Variants in MAP3K9 observed in about 807,000 individuals in gnomAD.
MAP3K9 encodes the protein mitogen-activated protein kinase kinase kinase 9, also known as mixed lineage kinase 1 (tyr and ser/thr specificity).
A neutral mutation model predicts 95.8 loss-of-function variants in MAP3K9; 46 were observed. The ratio of observed to expected loss-of-function variants is 0.48; its 90% CI spans 0.38 to 0.61. The LOEUF is 0.61. MAP3K9 is among the 20% of genes least tolerant of loss of function. The probability of loss-of-function intolerance (pLI) is 0.00; values close to 1 mark genes in which losing one functional copy is unlikely to be tolerated. For synonymous variants in MAP3K9, 533 were observed against 593.8 expected, an observed-to-expected ratio of 0.90 and a Z score of 1.49; for missense variants, 1,296 against 1,474.3, an observed-to-expected ratio of 0.88 and a Z score of 1.98.
intron 10 of MAP3K9, 51 bp downstream of exon 10, chr14:70,734,334 GC>G (rs2053954156): frequency 1.6e-6 from 2 of 1,273,134 alleles, no homozygotes; most frequent in South Asian, 2.4e-5. Flanking sequence ...GGGCAAGAAT[GC>G]CCCCAGGGAG....
Position 70,730,879 on chromosome 14 carries a change from A to C in MAP3K9, c.2831-15T>G. On this transcript the variant is annotated splice_polypyrimidine_tract_variant and intron_variant, in intron 11 of 11. Transcript: ENST00000554752. Reference sequence around the variant, plus strand: ...TTTCAACATTCCTGGTCAAAAAGACAAAAGGAGAAGCATCAGATGAGGCAC... The same window carrying C: ...TTTCAACATTCCTGGTCAAAAAGACCAAAGGAGAAGCATCAGATGAGGCAC... The C allele has an allele frequency of 6.3e-7, 1 of 1,589,396 alleles. No homozygotes were observed. Among genetic ancestry groups the C allele is most frequent in the Non-Finnish European group, 8.5e-7 (1 of 1,171,526 alleles).
rs949017605 is a variant in MAP3K9 at position 70,726,783 on chromosome 14, G to A, written c.*3597C>T. On this transcript the variant is annotated 3_prime_UTR_variant, in exon 12 of 12. Coordinates refer to ENST00000554752, the MANE Select transcript of MAP3K9 (RefSeq NM_001284230.2). ...TGAGAGCCACACTCTCAACTTCAGC[G>A]ATTCATCCTGTATAGATGAAAGAAG... The A allele has an allele frequency of 6.6e-6, 1 of 152,258 alleles. No homozygotes were observed. Among genetic ancestry groups the A allele is most frequent in the Non-Finnish European group, 1.5e-5 (1 of 68,064 alleles). 9.4% of individuals were successfully genotyped at this position (152,258 alleles called of 1,614,324 possible). A position where few individuals can be genotyped will look rare whatever the true frequency, so the allele number is the denominator to read the frequency against.
chr14:70,760,718 A>C (rs1427188413), intron 3 of MAP3K9, among the ~76,000 whole-genome samples: 2 of 152,010 alleles, frequency 1.3e-5, no homozygotes, highest in African/African-American at 2.4e-5. Flanking sequence ...CAGCGTAGAG[A>C]TGGGAGTACA....
At chr14:70,769,573 C>T (rs1440202326) in intron 2 of MAP3K9, among the ~76,000 whole-genome samples, 1 of 152,118 alleles carries the variant, frequency 6.6e-6, no homozygotes, top group South Asian at 2.1e-4. Flanking sequence ...GTTAGAAGTC[C>T]AAAATCAAGG....
intron 5 of MAP3K9, among the ~76,000 whole-genome samples, chr14:70,745,243 A>G (rs2054129829): frequency 6.6e-6 from 1 of 152,168 alleles, no homozygotes. Context: ...ATAAGTAACC[A>G]TTCTGGATTA....
intron 2 of MAP3K9, among the ~76,000 whole-genome samples, chr14:70,796,255 A>G (rs900168350): frequency 6.6e-6 from 1 of 152,196 alleles, no homozygotes; most frequent in Non-Finnish European, 1.5e-5. Flanking sequence ...AGAGACACAT[A>G]AATCCATTTT....
chr14:70,798,471 G>GTTTTTTTTTTTTTTTTT (rs1170327816), intron 2 of MAP3K9, among the ~76,000 whole-genome samples: 2 of 65,438 alleles, frequency 3.1e-5, no homozygotes, highest in Non-Finnish European at 2.7e-5. Flanking sequence ...GTCACCAAAA[G>GTTTTTTTTTTTTTTTTT]TTTTTTTTTT....
rs1287096773 is a variant in MAP3K9 at position 70,725,916 on chromosome 14, G to C, written c.*4464C>G. ...TTCTGTGCAGGACTCATGGCCCCAG[G>C]ACCATACATTTGAAAGTTAGAAGGG... On this transcript the variant is annotated 3_prime_UTR_variant, in exon 12 of 12. Coordinates refer to ENST00000554752, the MANE Select transcript of MAP3K9 (RefSeq NM_001284230.2). The C allele has an allele frequency of 6.6e-6, 1 of 152,214 alleles. No homozygotes were observed. The highest frequency in any genetic ancestry group is 1.5e-5 in the Non-Finnish European group (1 of 68,084). 9.4% of individuals were successfully genotyped at this position (152,214 alleles called of 1,614,324 possible).
chr14:70,746,902 C>A (rs1304703576), intron 5 of MAP3K9, among the ~76,000 whole-genome samples: 3 of 152,152 alleles, frequency 2.0e-5, no homozygotes, highest in Non-Finnish European at 4.4e-5. Flanking sequence ...AAAAGGCCAG[C>A]AACTCTTGGG....
chr14:70,803,032 T>G (rs1208184123), intron 1 of MAP3K9, among the ~76,000 whole-genome samples: 2 of 152,080 alleles, frequency 1.3e-5, no homozygotes, highest in African/African-American at 2.4e-5. Context: ...GAGTTCTTGC[T>G]CGAATTCACA....
intron 3 of MAP3K9, among the ~76,000 whole-genome samples, chr14:70,752,011 A>G (rs968892970): frequency 3.3e-5 from 5 of 152,134 alleles, no homozygotes; most frequent in African/African-American, 1.2e-4. Context: ...TCAAGATCCA[A>G]CTCAAATGTC....
intron 3 of MAP3K9, among the ~76,000 whole-genome samples, chr14:70,752,118 G>A (rs2054236824): frequency 6.6e-6 from 1 of 152,118 alleles, no homozygotes; most frequent in Non-Finnish European, 1.5e-5. Flanking sequence ...AAAACAAAAA[G>A]CCTGGTAGCC....
At position 70,733,763 on chromosome 14, in the gene MAP3K9, T is replaced by C. The variant is rs1331748527; in HGVS notation, c.2027-421A>G. ...CAGGGAGAGGAAGACCCACCTTCAA[T>C]GTCGATGGGCACCACCCAACTGGCT... On this transcript the variant is annotated intron_variant, in intron 10 of 11. Coordinates refer to ENST00000554752, the MANE Select transcript of MAP3K9 (RefSeq NM_001284230.2). 1.3e-5 allele frequency: 9 copies of C among 718,102 alleles called. No homozygotes were observed. The Admixed American group carries it at 1.6e-4, about 13-fold the overall frequency. The allele number at this position is 718,102 out of a possible 1,614,324, so 44.5% of individuals were successfully genotyped here. A position where few individuals can be genotyped will look rare whatever the true frequency, so the allele number is the denominator to read the frequency against.
intron 11 of MAP3K9, 96 bp downstream of exon 11, chr14:70,732,443 A>G: frequency 6.8e-7 from 1 of 1,466,508 alleles, no homozygotes; most frequent in East Asian, 2.4e-5. Context: ...GTGTTCACTC[A>G]AATCCCGAAG....
intron 8 of MAP3K9, 82 bp from the exon 9 acceptor site, chr14:70,736,111 T>G: frequency 1.1e-6 from 1 of 891,272 alleles, no homozygotes; most frequent in East Asian, 2.5e-5. Flanking sequence ...CACCCAAGGC[T>G]GGATTCACAC....
intron 3 of MAP3K9, among the ~76,000 whole-genome samples, chr14:70,750,610 G>A (rs1159972361): frequency 2.0e-5 from 3 of 152,018 alleles, no homozygotes; most frequent in East Asian, 1.9e-4. Context: ...TCCACCTGCC[G>A]AGTAGCTGGG....
chr14:70,751,948 T>TC (rs2054234511), intron 3 of MAP3K9, among the ~76,000 whole-genome samples: 1 of 152,090 alleles, frequency 6.6e-6, no homozygotes, highest in Admixed American at 6.5e-5. Flanking sequence ...CTCAATTTAT[T>TC]CCCCCTAGAA....
chr14:70,802,979 G>A (rs987940764), intron 1 of MAP3K9, among the ~76,000 whole-genome samples: 1 of 152,074 alleles, frequency 6.6e-6, no homozygotes. Flanking sequence ...CATGAGGGCC[G>A]ATCCCCCATG....
At chr14:70,738,524 C>T (rs117638006) in intron 7 of MAP3K9, 126 bp from the exon 8 acceptor site, 3 of 798,008 alleles carry the variant, frequency 3.8e-6, no homozygotes, top group African/African-American at 3.5e-5. Flanking sequence ...TTATCAAAAA[C>T]TCTGTGCCCA....
Sources: allele counts gnomAD v4.1 joint callset (sites outside exome capture counted in the v4.1 genomes callset), GRCh38; gene constraint gnomAD v4.1.1; transcripts MANE v1.5; gene names NCBI Gene and HGNC (gene_info 2026-07-23, HGNC 2026-07-21).